Variants in PIEZO2 observed in about 807,000 individuals in gnomAD.
The protein encoded by PIEZO2 is piezo-type mechanosensitive ion channel component 2.
PIEZO2 carries 172 observed loss-of-function variants against 337.3 expected under a neutral mutation model. The observed-to-expected ratio is 0.51, with a 90% CI of 0.45 to 0.58. The LOEUF (loss-of-function observed/expected upper bound fraction) is 0.58, where lower values mean the gene tolerates loss of function less well. Ranked by LOEUF, PIEZO2 falls within the 20% of genes least tolerant of loss-of-function variation. The probability of loss-of-function intolerance (pLI) is 0.00; values close to 1 mark genes in which losing one functional copy is unlikely to be tolerated. For synonymous variants in PIEZO2, 1,251 were observed against 1,228.5 expected (o/e 1.02, Z -0.38); for missense variants, 3,028 against 3,391.3 (o/e 0.89, Z 2.66).
chr18:10,775,038 C>T lies in PIEZO2; in HGVS notation c.2535-1000G>A, dbSNP rs569067323. On this transcript the variant is annotated intron_variant, in intron 18 of 55. Transcript: ENST00000674853. The surrounding 1 kb of genome is among the most constrained non-coding windows in gnomAD (Gnocchi z 4.3). ...ACTGTCGTAAGGAATCCACATTGTC[C>T]CTACGCTTTTAGATTATCATTCAAA... Among the ~76,000 whole-genome samples, 24 of 152,224 alleles carry T rather than the reference C, an allele frequency of 1.6e-4. No homozygotes were observed. In the East Asian group the frequency reaches 4.2e-3, roughly 27 times the overall value.
chr18:10,931,449 T>C (rs1598709260), intron 3 of PIEZO2, among the ~76,000 whole-genome samples: 1 of 152,324 alleles, frequency 6.6e-6, no homozygotes, highest in Non-Finnish European at 1.5e-5. Context: ...TCCGCCTGCC[T>C]TGGCCTCCCA....
intron 7 of PIEZO2, among the ~76,000 whole-genome samples, chr18:10,826,711 T>C (rs1568104012): frequency 6.6e-6 from 1 of 152,204 alleles, no homozygotes; most frequent in Non-Finnish European, 1.5e-5. Flanking sequence ...AATTGGTTAG[T>C]TTTTAATTTG....
intron 1 of PIEZO2, among the ~76,000 whole-genome samples, chr18:11,088,796 A>G (rs1478316649): frequency 6.6e-6 from 1 of 152,198 alleles, no homozygotes; most frequent in Admixed American, 6.5e-5. Flanking sequence ...AGAAGGCAGA[A>G]GGGCATCTTA....
chr18:11,001,614 G>A lies in PIEZO2; in HGVS notation c.161-21954C>T, dbSNP rs542726812. Among the ~76,000 whole-genome samples, 10 of 152,034 alleles carry A rather than the reference G, an allele frequency of 6.6e-5. No individual in the cohort carries two copies. Among genetic ancestry groups the A allele is most frequent in the South Asian group, 2.1e-4 (1 of 4,804 alleles). On this transcript the variant is annotated intron_variant, in intron 2 of 55. Transcript: ENST00000674853. This position sits in a 1 kb window ranked among gnomAD's most constrained non-coding sequence, Gnocchi z 5.3. ...TTTGTCAAGCAGGGTGTGGTGGCTC[G>A]TGCCTGTAATCTCAGCACTTTGGGA...
chr18:11,051,971 G>A (rs2037552211), intron 2 of PIEZO2, among the ~76,000 whole-genome samples: 1 of 152,198 alleles, frequency 6.6e-6, no homozygotes, highest in Non-Finnish European at 1.5e-5. Context: ...AAATGTACCA[G>A]GTCTCACTGA....
intron 49 of PIEZO2, 48 bp downstream of exon 49, chr18:10,689,607 T>G (rs1438828102): frequency 6.2e-7 from 1 of 1,611,860 alleles, no homozygotes; most frequent in East Asian, 2.2e-5. Context: ...AACCAGCCTG[T>G]ATCTAAGAGA....
At chr18:10,919,968 A>C (rs1046889383) in intron 3 of PIEZO2, among the ~76,000 whole-genome samples, 1 of 152,124 alleles carries the variant, frequency 6.6e-6, no homozygotes, top group African/African-American at 2.4e-5. Flanking sequence ...TGAATTGCAA[A>C]ACTCAAATTA....
chr18:10,855,203 G>C lies in PIEZO2; in HGVS notation c.917+150C>G. The C allele has an allele frequency of 1.5e-6, 1 of 679,914 alleles. No homozygotes were observed. Among genetic ancestry groups the C allele is most frequent in the Non-Finnish European group, 2.5e-6 (1 of 402,004 alleles). The allele number at this position is 679,914 out of a possible 1,614,324, so 42.1% of individuals were successfully genotyped here. A position where few individuals can be genotyped will look rare whatever the true frequency, so the allele number is the denominator to read the frequency against. ...GTCATCCAATACAATGAAAGTGCTA[G>C]ACTGCTTCACCCACCCCCACAAAAT... On this transcript the variant is annotated intron_variant, in intron 7 of 55. Transcript: ENST00000674853. The surrounding 1 kb of genome is among the most constrained non-coding windows in gnomAD (Gnocchi z 4.9).
At position 11,001,194 on chromosome 18, in the gene PIEZO2, C is replaced by T. The variant is rs2035519454; in HGVS notation, c.161-21534G>A. Among the ~76,000 whole-genome samples, 1 of 152,114 alleles carries T rather than the reference C, an allele frequency of 6.6e-6. No homozygotes were observed. The highest frequency in any genetic ancestry group is 1.5e-5 in the Non-Finnish European group (1 of 68,018). ...TGATTGTCCTCAAGCAGATGTAAGC[C>T]TCCTGAAGGCAGGGCTGCCGCTAGC... is the stretch of plus-strand genomic sequence containing the variant. On this transcript the variant is annotated intron_variant, in intron 2 of 55. Transcript: ENST00000674853. This position sits in a 1 kb window ranked among gnomAD's most constrained non-coding sequence, Gnocchi z 5.3.
In PIEZO2 at chr18:11,116,334, A is replaced by C. The variant is rs2039886620; in HGVS notation, c.64+32191T>G. Among the ~76,000 whole-genome samples, 1 of 152,190 alleles carries C rather than the reference A, an allele frequency of 6.6e-6. No individual in the cohort carries two copies. The highest frequency in any genetic ancestry group is 2.4e-5 in the African/African-American group (1 of 41,458). On this transcript the variant is annotated intron_variant, in intron 1 of 55. Transcript: ENST00000674853. The surrounding 1 kb of genome is among the most constrained non-coding windows in gnomAD (Gnocchi z 5.0). ...CCAAAACCACTAATAGAATATGTGC[A>C]AGGGGCTCTTGAGGAGGAAGCTGCC...
chr18:10,914,515 T>C (rs1568193565), intron 3 of PIEZO2, among the ~76,000 whole-genome samples: 3 of 152,196 alleles, frequency 2.0e-5, no homozygotes. Context: ...GTAATAGATA[T>C]AAATGCTATG....
chr18:11,056,143 G>A (rs2037726127), intron 2 of PIEZO2, among the ~76,000 whole-genome samples: 1 of 152,174 alleles, frequency 6.6e-6, no homozygotes, highest in Non-Finnish European at 1.5e-5. Context: ...CTCTGGAGCT[G>A]CCACAGCCCT....
In PIEZO2 at chr18:11,105,479, C is replaced by T. The variant is rs528666298; in HGVS notation, c.65-39257G>A. Among the ~76,000 whole-genome samples, 25 of 152,252 alleles carry T rather than the reference C, an allele frequency of 1.6e-4. No homozygotes were observed. The highest frequency in any genetic ancestry group is 6.5e-5 in the Admixed American group (1 of 15,302). On this transcript the variant is annotated intron_variant, in intron 1 of 55. Transcript: ENST00000674853. The surrounding 1 kb of genome is among the most constrained non-coding windows in gnomAD (Gnocchi z 4.3). ...CACACTTCCACACTTCAAACTACCA[C>T]GTGGTGAGAATCCCAGCACAGCTTA...
At chr18:10,841,166 A>G (rs9807627) in intron 7 of PIEZO2, among the ~76,000 whole-genome samples, 53,607 of 151,864 alleles carry the variant, frequency 0.35, 9,620 homozygotes, top group Middle Eastern at 0.44. Context: ...ATATGATACA[A>G]TGATTTGGCA....
At chr18:10,985,078 G>T (rs554166139) in intron 2 of PIEZO2, among the ~76,000 whole-genome samples, 3 of 152,080 alleles carry the variant, frequency 2.0e-5, no homozygotes, top group African/African-American at 7.2e-5. Context: ...TATAAGAAAC[G>T]CAAAAGGGAT....
Position 10,794,952 on chromosome 18 carries a change from C to A in PIEZO2, c.1578G>T (p.Trp526Cys), listed in dbSNP as rs1312525484. Residue 526 changes from tryptophan to cysteine, a missense_variant, in exon 13 of 56, where the codon TGG (tryptophan) becomes TGT (cysteine). This residue lies in a region of PIEZO2 where 50 missense variants were observed against 88.2 expected (regional missense o/e 0.57). Coordinates refer to ENST00000674853, the MANE Select transcript of PIEZO2 (RefSeq NM_001378183.1). The surrounding 1 kb of genome is among the most constrained non-coding windows in gnomAD (Gnocchi z 6.6). ...HSWLTFVLLI[W>C]SCTLWMIRNR... Reference sequence around the variant, plus strand: ...TGCGAATCATCCAAAGAGTGCACGACCAGATCAGCAGCACGAAGGTCAGCC... The same window carrying A: ...TGCGAATCATCCAAAGAGTGCACGAACAGATCAGCAGCACGAAGGTCAGCC... 1.3e-6 allele frequency: 2 copies of A among 1,547,216 alleles called. No homozygotes were observed. Among genetic ancestry groups the A allele is most frequent in the Non-Finnish European group, 1.7e-6 (2 of 1,146,994 alleles).
At chr18:10,920,189 A>AC (rs773133337) in intron 3 of PIEZO2, among the ~76,000 whole-genome samples, 10 of 152,024 alleles carry the variant, frequency 6.6e-5, no homozygotes, top group Non-Finnish European at 1.3e-4. Flanking sequence ...TATCATGATC[A>AC]CCCCACCTTC....
chr18:10,979,659 T>A lies in PIEZO2; in HGVS notation c.162A>T (p.Gly54=), dbSNP rs1319102513. The change falls in exon 3 of 56, where the codon GGA becomes GGT. Residue 54 remains glycine, a splice_region_variant and synonymous_variant. Transcript: ENST00000674853. The surrounding 1 kb of genome is among the most constrained non-coding windows in gnomAD (Gnocchi z 4.0). The part of the protein sequence containing the change: ...FSEPTKTTMQ[G]HTGRLLKSLC... ...GAGACTTTAATAACCGTCCCGTATG[T>A]CCTAAGGGATAAAAAGTGCAGAGAT... 4 of 1,531,790 alleles carry A rather than the reference T, an allele frequency of 2.6e-6. No individual in the cohort carries two copies. Among genetic ancestry groups the A allele is most frequent in the Non-Finnish European group, 3.5e-6 (4 of 1,143,560 alleles). 94.9% of individuals were successfully genotyped at this position (1,531,790 alleles called of 1,614,324 possible). A position where few individuals can be genotyped will look rare whatever the true frequency, so the allele number is the denominator to read the frequency against.
rs549293406 is a variant in PIEZO2 at position 11,043,530 on chromosome 18, T to G, written c.160+22597A>C. On this transcript the variant is annotated intron_variant, in intron 2 of 55. Coordinates refer to ENST00000674853, the MANE Select transcript of PIEZO2 (RefSeq NM_001378183.1). ...GTAATTTTTATGTTAATTTTGGAGA[T>G]TTTTTCTCTGTAGGAGAGAGAGAGG... Among the ~76,000 whole-genome samples the G allele has an allele frequency of 2.0e-4, 31 of 151,268 alleles. No homozygotes were observed. The South Asian group carries it at 3.7e-3, about 18-fold the overall frequency.
Sources: allele counts gnomAD v4.1 joint callset (sites outside exome capture counted in the v4.1 genomes callset), GRCh38; gene constraint gnomAD v4.1.1; regional missense constraint gnomAD v4.1.1; non-coding constraint Gnocchi (gnomAD v3.1); transcripts MANE v1.5; gene names NCBI Gene and HGNC (gene_info 2026-07-23, HGNC 2026-07-21).